The following PRKAG2 variants were observed in gnomAD, a reference collection of about 807,000 sequenced individuals.
PRKAG2 encodes the protein 5'-AMP-activated protein kinase subunit gamma-2.
A neutral mutation model predicts 69.6 loss-of-function variants in PRKAG2; 26 were observed. The observed-to-expected ratio is 0.37, with a 90% CI of 0.27 to 0.52. The LOEUF (loss-of-function observed/expected upper bound fraction) is 0.52. Ranked by LOEUF, PRKAG2 falls within the 20% of genes least tolerant of loss-of-function variation. The pLI is 0.90. For missense variants in PRKAG2, 557 were observed against 740.0 expected (o/e 0.75, Z 2.87); for synonymous variants, 293 against 285.0 (o/e 1.03, Z -0.28).
intron 3 of PRKAG2, among the ~76,000 whole-genome samples, chr7:151,695,958 G>T (rs1187940765): frequency 6.6e-6 from 1 of 152,178 alleles, no homozygotes; most frequent in African/African-American, 2.4e-5. Flanking sequence ...AGAGGAAGCA[G>T]ACCCCACCCT....
At position 151,800,593 on chromosome 7, in the gene PRKAG2, G is replaced by T. The variant is rs373722741; in HGVS notation, c.115-14052C>A. ...CCTGGTGGGTACAGCCTGTGTTCAG[G>T]CCCCAAGGCATGAGCAGTTCCAGGA... On this transcript the variant is annotated intron_variant, in intron 1 of 15. Transcript: ENST00000287878. Among the ~76,000 whole-genome samples, 400 of 152,304 alleles carry T rather than the reference G, an allele frequency of 2.6e-3. 1 individual carries two copies. The highest frequency in any genetic ancestry group is 0.02 in the Middle Eastern group (6 of 294).
intron 5 of PRKAG2, among the ~76,000 whole-genome samples, chr7:151,624,706 G>A (rs1201677162): frequency 6.6e-5 from 10 of 152,076 alleles, no homozygotes; most frequent in Non-Finnish European, 1.0e-4. Context: ...AACTGCAAAC[G>A]TCACAAGCCC....
chr7:151,575,896 C>G (rs977212743), intron 7 of PRKAG2, among the ~76,000 whole-genome samples: 11 of 63,532 alleles, frequency 1.7e-4, no homozygotes, highest in African/African-American at 5.6e-4. Flanking sequence ...AATGAGGCGG[C>G]AAAAAAAAAA....
At chr7:151,671,087 T>C (rs1366079485) in intron 4 of PRKAG2, among the ~76,000 whole-genome samples, 2 of 144,028 alleles carry the variant, frequency 1.4e-5, no homozygotes, top group Non-Finnish European at 3.0e-5. Context: ...GGCAGGAGAA[T>C]TGCTTGAACC....
chr7:151,612,791 A>G (rs1819177015), intron 5 of PRKAG2, among the ~76,000 whole-genome samples: 2 of 152,272 alleles, frequency 1.3e-5, no homozygotes, highest in African/African-American at 4.8e-5. Flanking sequence ...AAATAGTGCA[A>G]TAACCTGAAG....
intron 4 of PRKAG2, among the ~76,000 whole-genome samples, chr7:151,641,198 T>C (rs1488388693): frequency 6.6e-6 from 1 of 151,956 alleles, no homozygotes; most frequent in African/African-American, 2.4e-5. Flanking sequence ...TTGCCAGCTC[T>C]TGCCACCACC....
intron 3 of PRKAG2, among the ~76,000 whole-genome samples, chr7:151,700,054 G>A (rs556152817): frequency 3.5e-4 from 53 of 152,150 alleles, no homozygotes; most frequent in Non-Finnish European, 5.4e-4. Context: ...TGGAGTTCTC[G>A]GCAATGTGGT....
intron 3 of PRKAG2, among the ~76,000 whole-genome samples, chr7:151,687,334 G>T (rs2536088): frequency 6.6e-6 from 1 of 151,794 alleles, no homozygotes; most frequent in African/African-American, 2.4e-5. Context: ...AAGCAGTCCT[G>T]GGGAGGCACA....
rs992949656 is a variant in PRKAG2 at position 151,719,156 on chromosome 7, C to T, written c.467-43519G>A. Among the ~76,000 whole-genome samples the T allele has an allele frequency of 6.6e-6, 1 of 152,180 alleles. No homozygotes were observed. The highest frequency in any genetic ancestry group is 1.5e-5 in the Non-Finnish European group (1 of 68,042). ...CCGGGAGACGAGATGTATCTTGCAACCAGCTCAGCGGTGGAAGCAGTGGAA... is the reference window on the plus strand; with the variant it reads ...CCGGGAGACGAGATGTATCTTGCAATCAGCTCAGCGGTGGAAGCAGTGGAA... On this transcript the variant is annotated intron_variant, in intron 3 of 15. Coordinates refer to ENST00000287878, the MANE Select transcript of PRKAG2 (RefSeq NM_016203.4). The surrounding 1 kb of genome is among the most constrained non-coding windows in gnomAD (Gnocchi z 5.2).
At chr7:151,821,537 C>T (rs1286474253) in intron 1 of PRKAG2, among the ~76,000 whole-genome samples, 1 of 152,176 alleles carries the variant, frequency 6.6e-6, no homozygotes, top group Non-Finnish European at 1.5e-5. Context: ...GGTAGAAGGC[C>T]AAGCTGTCGT....
At chr7:151,718,882 G>A (rs1465313590) in intron 3 of PRKAG2, among the ~76,000 whole-genome samples, 1 of 151,998 alleles carries the variant, frequency 6.6e-6, no homozygotes, top group African/African-American at 2.4e-5. Flanking sequence ...TCAAGAACTG[G>A]CTTCATCTCT....
intron 3 of PRKAG2, among the ~76,000 whole-genome samples, chr7:151,678,651 A>G (rs781230391): frequency 6.6e-6 from 1 of 152,090 alleles, no homozygotes; most frequent in Non-Finnish European, 1.5e-5. Context: ...CCCTCACAAC[A>G]AAGTCCCAAA....
Position 151,784,555 on chromosome 7 carries a change from C to T in PRKAG2, c.186+1915G>A, listed in dbSNP as rs1010478119. Among the ~76,000 whole-genome samples the T allele has an allele frequency of 3.3e-5, 5 of 152,234 alleles. No homozygotes were observed. The East Asian group carries it at 9.7e-4, about 29-fold the overall frequency. The stretch of plus-strand genomic sequence containing the variant: ...CGCAGTGACAGGGCCGGGGAGGTGT[C>T]CAGTGCCCAGAGACAGAGGAGAAGG... On this transcript the variant is annotated intron_variant, in intron 2 of 15. Coordinates refer to ENST00000287878, the MANE Select transcript of PRKAG2 (RefSeq NM_016203.4).
rs1179892493 is a variant in PRKAG2, at chr7:151,570,134, G to A, written c.1106+37C>T. 4 of 1,579,024 alleles carry A rather than the reference G, an allele frequency of 2.5e-6. No individual in the cohort carries two copies. In the South Asian group the frequency reaches 3.4e-5, roughly 13 times the overall value. On this transcript the variant is annotated intron_variant, in intron 10 of 15. Coordinates refer to ENST00000287878, the MANE Select transcript of PRKAG2 (RefSeq NM_016203.4). ...TCATGGTGATAAAACACATACATCT[G>A]AATGAATGTTTTCAAAGAAAAAAAA...
At chr7:151,825,281 T>C (rs2078882128) in intron 1 of PRKAG2, among the ~76,000 whole-genome samples, 1 of 152,232 alleles carries the variant, frequency 6.6e-6, no homozygotes, top group Admixed American at 6.5e-5. Context: ...AAATTCGAAT[T>C]AAAGGGCCTT....
chr7:151,789,581 G>A (rs771981492), intron 1 of PRKAG2, among the ~76,000 whole-genome samples: 8 of 111,072 alleles, frequency 7.2e-5, no homozygotes, highest in South Asian at 2.2e-4. Context: ...CCAGCCACTC[G>A]TACCGTCACC....
At chr7:151,717,153 A>G (rs1796311148) in intron 3 of PRKAG2, among the ~76,000 whole-genome samples, 3 of 151,990 alleles carry the variant, frequency 2.0e-5, no homozygotes, top group African/African-American at 7.2e-5. Flanking sequence ...AGGTTGAGGC[A>G]GGAGAATTGC....
rs1824856188 is a variant in PRKAG2, at chr7:151,632,416, C to T, written c.685-278G>A. On this transcript the variant is annotated intron_variant, in intron 4 of 15. Coordinates refer to ENST00000287878, the MANE Select transcript of PRKAG2 (RefSeq NM_016203.4). The surrounding 1 kb of genome is among the most constrained non-coding windows in gnomAD (Gnocchi z 4.2). ...CCCCCCGCGCCTTGGTACGGCCCGC[C>T]CGGGAGGAAGCGTGGGAAGGGACCC... 1.9e-6 allele frequency: 1 copy of T among 526,922 alleles called. No homozygotes were observed. The allele number at this position is 526,922 out of a possible 1,614,324, so 32.6% of individuals were successfully genotyped here.
intron 3 of PRKAG2, among the ~76,000 whole-genome samples, chr7:151,678,010 C>T (rs1389173999): frequency 6.6e-6 from 1 of 152,136 alleles, no homozygotes; most frequent in Non-Finnish European, 1.5e-5. Flanking sequence ...GACAAGGCTG[C>T]GTCACCTACA....
Sources: allele counts gnomAD v4.1 joint callset (sites outside exome capture counted in the v4.1 genomes callset), GRCh38; gene constraint gnomAD v4.1.1; non-coding constraint Gnocchi (gnomAD v3.1); transcripts MANE v1.5; gene names NCBI Gene and HGNC (gene_info 2026-07-23, HGNC 2026-07-21).